Variants in CLVS1 observed in about 807,000 individuals in gnomAD.
The protein encoded by CLVS1 is clavesin-1.
CLVS1 carries 10 observed loss-of-function variants against 33.1 expected under a neutral mutation model. The observed-to-expected ratio is 0.30, with a 90% CI of 0.19 to 0.51. The LOEUF (loss-of-function observed/expected upper bound fraction) is 0.51, where lower values mean the gene tolerates loss of function less well. Ranked by LOEUF, CLVS1 falls within the 20% of genes least tolerant of loss-of-function variation. CLVS1 has a pLI of 0.97. For missense variants in CLVS1, 343 were observed against 433.4 expected, an observed-to-expected ratio of 0.79 and a Z score of 1.85; for synonymous variants, 163 against 166.1, an observed-to-expected ratio of 0.98 and a Z score of 0.14.
At chr8:61,476,912 G>C (rs564085588) in intron 5 of CLVS1, among the ~76,000 whole-genome samples, 14 of 152,230 alleles carry the variant, frequency 9.2e-5, no homozygotes, top group South Asian at 6.2e-4. Context: ...TTTGTCCATT[G>C]AGTATGATAT....
intron 2 of CLVS1, among the ~76,000 whole-genome samples, chr8:61,356,411 T>C (rs1283261387): frequency 6.6e-6 from 1 of 152,050 alleles, no homozygotes; most frequent in Non-Finnish European, 1.5e-5. Context: ...AGAAGCTCTT[T>C]TGTTTAATTA....
At chr8:61,349,236 C>CT (rs11380767) in intron 2 of CLVS1, among the ~76,000 whole-genome samples, 14,225 of 152,086 alleles carry the variant, frequency 0.094, 2,176 homozygotes, top group African/African-American at 0.32. Flanking sequence ...TAGCACTTGT[C>CT]TTTTTCCCTT....
intron 3 of CLVS1, among the ~76,000 whole-genome samples, chr8:61,400,306 A>G (rs924758570): frequency 2.0e-5 from 3 of 152,084 alleles, no homozygotes; most frequent in Non-Finnish European, 2.9e-5. Flanking sequence ...TTGTGAATTG[A>G]GTTCATTCAT....
intron 5 of CLVS1, among the ~76,000 whole-genome samples, chr8:61,486,046 T>A (rs1406377532): frequency 1.3e-5 from 2 of 151,990 alleles, no homozygotes; most frequent in African/African-American, 4.8e-5. Context: ...TGTATACATA[T>A]GTAACTAACC....
At chr8:61,148,326 C>A (rs961320603) in intron 2 of CLVS1, among the ~76,000 whole-genome samples, 1 of 152,180 alleles carries the variant, frequency 6.6e-6, no homozygotes, top group Non-Finnish European at 1.5e-5. Flanking sequence ...GGGTGGCATG[C>A]TTATCAAATC....
the CLVS1 span, among the ~76,000 whole-genome samples, chr8:61,025,844 G>C: frequency 1.3e-5 from 2 of 152,124 alleles, no homozygotes; most frequent in South Asian, 4.1e-4. Flanking sequence ...ACAATAATTT[G>C]TTTGGTGGTT....
At chr8:61,480,477 C>T (rs951282637) in intron 5 of CLVS1, among the ~76,000 whole-genome samples, 2 of 152,220 alleles carry the variant, frequency 1.3e-5, no homozygotes, top group African/African-American at 4.8e-5. Context: ...CTGGTGCCGT[C>T]TGTCACCCCT....
At chr8:61,057,990 T>C (rs1026926927) in intron 1 of CLVS1, among the ~76,000 whole-genome samples, 1 of 152,164 alleles carries the variant, frequency 6.6e-6, no homozygotes, top group African/African-American at 2.4e-5. Flanking sequence ...ATGATAAATC[T>C]GGGGAGGCGC....
intron 4 of CLVS1, among the ~76,000 whole-genome samples, chr8:61,457,453 A>G (rs984453832): frequency 1.3e-5 from 2 of 152,056 alleles, no homozygotes; most frequent in Middle Eastern, 3.2e-3. Context: ...TTATCTATTC[A>G]TGTCTCATCC....
chr8:61,037,801 A>G, the CLVS1 span, among the ~76,000 whole-genome samples: 1 of 152,242 alleles, frequency 6.6e-6, no homozygotes, highest in African/African-American at 2.4e-5. Context: ...CAGGGAGGCA[A>G]ATAGGAAACA....
At chr8:61,307,919 T>A (rs1289704075) in intron 2 of CLVS1, among the ~76,000 whole-genome samples, 1 of 151,962 alleles carries the variant, frequency 6.6e-6, no homozygotes, top group Non-Finnish European at 1.5e-5. Context: ...TAGCTCCCAT[T>A]TATAAGAGAG....
chr8:61,203,351 G>T (rs952129936), intron 2 of CLVS1: 1 of 584,700 alleles, frequency 1.7e-6, no homozygotes, highest in Non-Finnish European at 3.1e-6. Context: ...GATAAATGTT[G>T]TCCAGGTTCT....
intron 2 of CLVS1, among the ~76,000 whole-genome samples, chr8:61,348,819 A>G (rs991282815): frequency 6.6e-6 from 1 of 152,286 alleles, no homozygotes; most frequent in South Asian, 2.1e-4. Flanking sequence ...TAATGGTTGT[A>G]CTAATGTACA....
intron 1 of CLVS1, among the ~76,000 whole-genome samples, chr8:61,128,123 T>A (rs1806009489): frequency 6.6e-6 from 1 of 152,252 alleles, no homozygotes; most frequent in South Asian, 2.1e-4. Flanking sequence ...CATAGCCAAA[T>A]ATCTGAGTTT....
Position 61,430,062 on chromosome 8 carries a change from C to G in CLVS1, c.631-24079C>G, listed in dbSNP as rs138592546. On this transcript the variant is annotated intron_variant, in intron 3 of 5. Transcript: ENST00000325897. ...TGAATGTAAGCTTCCCTTTTCATAA[C>G]AAAAATTACTCAAATACTTGTACTG... Among the ~76,000 whole-genome samples the G allele has an allele frequency of 6.3e-3, 961 of 152,240 alleles. 15 individuals are homozygous for G. The highest frequency in any genetic ancestry group is 0.022 in the African/African-American group (904 of 41,524).
chr8:61,047,129 A>G, the CLVS1 span, among the ~76,000 whole-genome samples: 1 of 152,242 alleles, frequency 6.6e-6, no homozygotes, highest in Non-Finnish European at 1.5e-5. Flanking sequence ...AAACAACCCC[A>G]TCGAAAAGTG....
intron 1 of CLVS1, among the ~76,000 whole-genome samples, chr8:61,074,705 C>T (rs929293891): frequency 6.6e-5 from 10 of 151,898 alleles, no homozygotes; most frequent in Non-Finnish European, 8.8e-5. Context: ...CCTCAGCTTT[C>T]CCATCTTAAA....
chr8:61,116,188 G>T lies in CLVS1; in HGVS notation c.-242-15582G>T, dbSNP rs552704913. On this transcript the variant is annotated intron_variant, in intron 1 of 2. Transcript: ENST00000522621. ...AAATGTCTTCTTTTGAGAAGTGTCT[G>T]TTCATGTCCTTTGCCCACTTTTTGA... 2.0e-5 allele frequency among the ~76,000 whole-genome samples: 3 copies of T among 151,984 alleles called. No individual in the cohort carries two copies. The East Asian group carries it at 5.8e-4, about 29-fold the overall frequency.
intron 3 of CLVS1, among the ~76,000 whole-genome samples, chr8:61,423,915 G>A (rs902319801): frequency 9.9e-5 from 15 of 152,112 alleles, no homozygotes; most frequent in Admixed American, 3.3e-4. Context: ...TGTGGCAAAG[G>A]TATGTAATTT....
Sources: gnomAD v4.1 joint callset for allele counts (sites outside exome capture counted in the v4.1 genomes callset) on GRCh38, gnomAD v4.1.1 for gene constraint, MANE v1.5 for transcripts, NCBI Gene and HGNC (gene_info 2026-07-23, HGNC 2026-07-21) for gene names.